Variants in ZFHX4 observed in about 807,000 individuals in gnomAD.
ZFHX4 encodes zinc finger homeobox protein 4.
ZFHX4 carries 56 observed loss-of-function variants against 267.6 expected under a neutral mutation model. That is an observed-to-expected ratio of 0.21 (90% CI 0.17 to 0.26). ZFHX4 has a LOEUF of 0.26. Among genes scored for constraint, ZFHX4 ranks in the 10% least tolerant of loss-of-function variants. ZFHX4 has a pLI of 1.00. For missense variants in ZFHX4, 4,332 were observed against 4,420.0 expected (o/e 0.98, Z 0.56); for synonymous variants, 1,778 against 1,665.6 (o/e 1.07, Z -1.64).
Position 76,704,597 on chromosome 8 carries a change from T to G in ZFHX4, c.509T>G (p.Leu170Arg). The change falls in exon 2 of 11, where the codon CTG becomes CGG. Residue 170 changes from leucine (L) to arginine (R), a missense_variant. Leu to Arg is a moderately radical substitution (Grantham distance 102). This residue lies in a region of ZFHX4 where 1,195 missense variants were observed against 1,173.6 expected (regional missense o/e 1.02). Transcript: ENST00000651372. ...LFSTAMFLDS[L>R]ASAGEKSDQS... Reference sequence around the variant, plus strand: ...TCTACAGCGATGTTCCTGGACTCCCTGGCATCTGCTGGAGAGAAGAGTGAT... The same window carrying G: ...TCTACAGCGATGTTCCTGGACTCCCGGGCATCTGCTGGAGAGAAGAGTGAT... The G allele has an allele frequency of 6.2e-7, 1 of 1,614,018 alleles. No individual in the cohort carries two copies. The highest frequency in any genetic ancestry group is 1.1e-5 in the South Asian group (1 of 91,088).
chr8:76,765,985 TAAAGAC>T (rs1810041437), intron 3 of ZFHX4, among the ~76,000 whole-genome samples: 1 of 152,090 alleles, frequency 6.6e-6, no homozygotes, highest in Non-Finnish European at 1.5e-5. Context: ...TGACCATACT[TAAAGAC>T]AGAGCTAAGA....
At chr8:76,711,687 T>C (rs1219357983) in intron 3 of ZFHX4, among the ~76,000 whole-genome samples, 5 of 152,190 alleles carry the variant, frequency 3.3e-5, no homozygotes, top group African/African-American at 1.2e-4. Flanking sequence ...CCAGCCTTTA[T>C]TTTTCAAAAA....
rs774033956 is a variant in ZFHX4 at position 76,855,501 on chromosome 8, C to T, written c.8580C>T (p.Cys2860=). The change falls in exon 10 of 11, where the codon TGC becomes TGT. Residue 2860 remains cysteine (C), a synonymous_variant. Coordinates refer to ENST00000651372, the MANE Select transcript of ZFHX4 (RefSeq NM_024721.5). ...KPATTPTTEV[C]DDKFLFSLTS... ...CAACCACACCTACCACGGAGGTCTGCGATGACAAATTTCTCTTTTCTCTCA... is the reference window on the plus strand; with the variant it reads ...CAACCACACCTACCACGGAGGTCTGTGATGACAAATTTCTCTTTTCTCTCA... The T allele has an allele frequency of 1.9e-6, 3 of 1,613,748 alleles. No homozygotes were observed. Among genetic ancestry groups the T allele is most frequent in the African/African-American group, 1.3e-5 (1 of 75,006 alleles).
At chr8:76,708,070 C>G (rs564700148) in intron 3 of ZFHX4, 22 bp downstream of exon 3, 1 of 1,611,112 alleles carries the variant, frequency 6.2e-7, no homozygotes, top group Non-Finnish European at 8.5e-7. Context: ...CATCCATTTC[C>G]GTTGGCACAG....
At chr8:76,729,600 C>A (rs1252059269) in intron 3 of ZFHX4, among the ~76,000 whole-genome samples, 1 of 152,112 alleles carries the variant, frequency 6.6e-6, no homozygotes, top group Non-Finnish European at 1.5e-5. Flanking sequence ...GAGAATGGGG[C>A]CTCTTAGACT....
chr8:76,707,502 G>A (rs892177519), intron 2 of ZFHX4, 44 bp from the exon 3 acceptor site: 4 of 1,447,710 alleles, frequency 2.8e-6, no homozygotes, highest in Non-Finnish European at 3.6e-6. Flanking sequence ...TGTGTGCTGT[G>A]TTTTCTAGTC....
intron 4 of ZFHX4, among the ~76,000 whole-genome samples, chr8:76,799,645 T>C (rs1035186745): frequency 3.3e-5 from 5 of 152,224 alleles, no homozygotes; most frequent in African/African-American, 4.8e-5. Flanking sequence ...CTCTCACACA[T>C]ACTCGAGTGT....
intron 4 of ZFHX4, among the ~76,000 whole-genome samples, chr8:76,819,388 T>C (rs1160821227): frequency 6.6e-6 from 1 of 152,188 alleles, no homozygotes; most frequent in Non-Finnish European, 1.5e-5. Flanking sequence ...GAAATACCTA[T>C]AAACTATTCT....
intron 4 of ZFHX4, among the ~76,000 whole-genome samples, chr8:76,823,964 T>C (rs546303918): frequency 6.6e-6 from 1 of 152,310 alleles, no homozygotes; most frequent in African/African-American, 2.4e-5. Context: ...TATTTATTTG[T>C]TTTGCATGCA....
At chr8:76,850,406 G>T in intron 9 of ZFHX4, 44 bp downstream of exon 9, 1 of 1,482,418 alleles carries the variant, frequency 6.7e-7, no homozygotes. Flanking sequence ...TACGCTTAGG[G>T]GCTTTGCATT....
chr8:76,861,434 T>A (rs1005551809), intron 10 of ZFHX4, among the ~76,000 whole-genome samples: 1 of 152,132 alleles, frequency 6.6e-6, no homozygotes, highest in African/African-American at 2.4e-5. Flanking sequence ...CCATTAAGGA[T>A]GTTGGGAGAT....
chr8:76,732,338 T>A (rs951513613), intron 3 of ZFHX4, among the ~76,000 whole-genome samples: 4 of 152,136 alleles, frequency 2.6e-5, no homozygotes, highest in Admixed American at 6.6e-5. Context: ...GCTTGACTTT[T>A]TAGAAGGGCA....
intron 4 of ZFHX4, among the ~76,000 whole-genome samples, chr8:76,818,282 G>A (rs1811557963): frequency 6.6e-6 from 1 of 152,060 alleles, no homozygotes; most frequent in Non-Finnish European, 1.5e-5. Context: ...GTTAAGAGGA[G>A]GAATGGCATG....
At chr8:76,820,293 T>A (rs796315737) in intron 4 of ZFHX4, among the ~76,000 whole-genome samples, 14 of 152,288 alleles carry the variant, frequency 9.2e-5, no homozygotes, top group African/African-American at 3.1e-4. Context: ...ATTTTGCACA[T>A]TTTTTTACTT....
At chr8:76,832,063 G>A (rs1364775648) in intron 4 of ZFHX4, among the ~76,000 whole-genome samples, 1 of 151,902 alleles carries the variant, frequency 6.6e-6, no homozygotes, top group Admixed American at 6.6e-5. Context: ...ACTACTAAAG[G>A]CCAAAGGTTT....
intron 1 of ZFHX4, among the ~76,000 whole-genome samples, chr8:76,686,816 C>T (rs1379800932): frequency 2.0e-5 from 3 of 152,178 alleles, no homozygotes; most frequent in African/African-American, 7.2e-5. Context: ...TGGTCTCTAG[C>T]ACTCTCACAA....
At chr8:76,763,214 C>T (rs1031277672) in intron 3 of ZFHX4, among the ~76,000 whole-genome samples, 4 of 141,282 alleles carry the variant, frequency 2.8e-5, no homozygotes, top group African/African-American at 1.2e-4. Context: ...CTCATCCTGC[C>T]GTACTTGGGC....
intron 8 of ZFHX4, 83 bp from the exon 9 acceptor site, chr8:76,850,162 G>T: frequency 9.1e-7 from 1 of 1,100,442 alleles, no homozygotes. Flanking sequence ...ATGTAAGTGG[G>T]ATATGCTACC....
chr8:76,758,721 A>T (rs749064834), intron 3 of ZFHX4, among the ~76,000 whole-genome samples: 4 of 152,054 alleles, frequency 2.6e-5, no homozygotes, highest in Non-Finnish European at 5.9e-5. Context: ...TCTCGAATCC[A>T]GGGTTCAAGC....
Sources: allele counts gnomAD v4.1 joint callset (sites outside exome capture counted in the v4.1 genomes callset), GRCh38; gene constraint gnomAD v4.1.1; regional missense constraint gnomAD v4.1.1; transcripts MANE v1.5; gene names NCBI Gene and HGNC (gene_info 2026-07-23, HGNC 2026-07-21).